The following EEIG2 variants were observed in gnomAD, a reference collection of about 807,000 sequenced individuals.
The protein encoded by EEIG2 is EEIG family member 2, also known as family with sequence similarity 102 member B.
chr1:108,583,206 G>A, the EEIG2 span, among the ~76,000 whole-genome samples: 1 of 151,810 alleles, frequency 6.6e-6, no homozygotes, highest in Non-Finnish European at 1.5e-5. Flanking sequence ...ATCCAGGCTG[G>A]AGTGCAGTAG....
the EEIG2 span, among the ~76,000 whole-genome samples, chr1:108,575,610 G>C: frequency 6.6e-6 from 1 of 152,216 alleles, no homozygotes; most frequent in African/African-American, 2.4e-5. Context: ...TGTATCCATA[G>C]CATGGAATAT....
At chr1:108,579,193 C>G in the EEIG2 span, among the ~76,000 whole-genome samples, 1 of 105,472 alleles carries the variant, frequency 9.5e-6, no homozygotes, top group Non-Finnish European at 2.0e-5. Context: ...TTCAGGAAAC[C>G]CATCTCACGT....
the EEIG2 span, chr1:108,628,070 TG>T: frequency 1.4e-5 from 14 of 1,006,640 alleles, no homozygotes; most frequent in Non-Finnish European, 2.1e-5. Context: ...GTTTTGATAA[TG>T]AACTTGGCAG....
chr1:108,579,772 T>TGTGAGAGAGAGAGAGAGA, the EEIG2 span, among the ~76,000 whole-genome samples: 123 of 58,872 alleles, frequency 2.1e-3, 2 homozygotes, highest in Middle Eastern at 0.02. Context: ...TGTGTGTGTG[T>TGTGAGAGAGAGAGAGAGA]GAGAGAGAGA....
the EEIG2 span, among the ~76,000 whole-genome samples, chr1:108,596,874 G>A: frequency 1.3e-5 from 2 of 151,968 alleles, no homozygotes; most frequent in East Asian, 3.9e-4. Context: ...GAGTAGCTGG[G>A]ACTACAGGTG....
chr1:108,628,942 T>C, the EEIG2 span: 2 of 691,444 alleles, frequency 2.9e-6, no homozygotes, highest in Non-Finnish European at 4.6e-6. Flanking sequence ...CATAAAAATA[T>C]CAAGATAACT....
the EEIG2 span, among the ~76,000 whole-genome samples, chr1:108,593,774 A>G: frequency 6.6e-6 from 1 of 151,958 alleles, no homozygotes; most frequent in African/African-American, 2.4e-5. Flanking sequence ...AGGACTAAAG[A>G]AGAAGACTTA....
At chr1:108,565,379 G>C in the EEIG2 span, among the ~76,000 whole-genome samples, 1 of 152,202 alleles carries the variant, frequency 6.6e-6, no homozygotes, top group Admixed American at 6.5e-5. Context: ...TTGGTCTGTT[G>C]TTGACCAAAA....
the EEIG2 span, chr1:108,560,462 G>A: frequency 1.4e-5 from 22 of 1,613,136 alleles, no homozygotes; most frequent in Admixed American, 3.3e-5. Context: ...GTTTAAGGTG[G>A]ACTTCGAGCT....
the EEIG2 span, among the ~76,000 whole-genome samples, chr1:108,596,224 C>A: frequency 2.0e-5 from 3 of 151,088 alleles, no homozygotes; most frequent in Admixed American, 1.3e-4. Context: ...AAGTTATATA[C>A]TTCTGTTCCC....
At chr1:108,629,558 T>C in the EEIG2 span, 10 of 1,448,296 alleles carry the variant, frequency 6.9e-6, no homozygotes, top group Non-Finnish European at 8.7e-6. Context: ...TAATTGTACA[T>C]GTAACAAACA....
At chr1:108,574,257 CA>C in the EEIG2 span, among the ~76,000 whole-genome samples, 14 of 145,502 alleles carry the variant, frequency 9.6e-5, no homozygotes, top group African/African-American at 1.0e-4. Context: ...AAGCCAATCA[CA>C]AAAAAAAAAG....
chr1:108,627,614 T>A, the EEIG2 span: 3 of 152,462 alleles, frequency 2.0e-5, no homozygotes, highest in African/African-American at 7.2e-5. Context: ...ACTTTTACTC[T>A]CAGTGCTACG....
At chr1:108,630,131 A>G in the EEIG2 span, among the ~76,000 whole-genome samples, 43 of 152,332 alleles carry the variant, frequency 2.8e-4, no homozygotes, top group East Asian at 8.1e-3. Context: ...GGCATGCGCC[A>G]CTGTGCATCG....
chr1:108,621,947 A>G, the EEIG2 span, among the ~76,000 whole-genome samples: 251 of 152,326 alleles, frequency 1.6e-3, no homozygotes, highest in African/African-American at 5.9e-3. Context: ...ACCTGAGGCC[A>G]GGAATTCAAG....
At chr1:108,575,233 T>C in the EEIG2 span, among the ~76,000 whole-genome samples, 2 of 152,186 alleles carry the variant, frequency 1.3e-5, no homozygotes, top group African/African-American at 2.4e-5. Flanking sequence ...GTTATTAGAG[T>C]CAAAATGTCT....
chr1:108,604,865 C>CA, the EEIG2 span, among the ~76,000 whole-genome samples: 21,216 of 87,878 alleles, frequency 0.24, 2,080 homozygotes, highest in African/African-American at 0.36. Flanking sequence ...CCCACCTCTC[C>CA]AAAAAAAAAA....
the EEIG2 span, chr1:108,636,841 A>C: frequency 6.6e-6 from 1 of 152,194 alleles, no homozygotes; most frequent in Non-Finnish European, 1.5e-5. Flanking sequence ...AAAATCAAAG[A>C]AAGTTTTTTA....
the EEIG2 span, among the ~76,000 whole-genome samples, chr1:108,569,645 CCTTT>C: frequency 2.6e-5 from 4 of 152,050 alleles, no homozygotes; most frequent in Non-Finnish European, 5.9e-5. Context: ...TTCTTAAGGC[CCTTT>C]CTAACTCCAA....
Sources: gnomAD v4.1 joint callset for allele counts (sites outside exome capture counted in the v4.1 genomes callset) on GRCh38, gnomAD v4.1.1 for gene constraint, MANE v1.5 for transcripts, NCBI Gene and HGNC (gene_info 2026-07-23, HGNC 2026-07-21) for gene names.